Variants in HMG20A observed in about 807,000 individuals in gnomAD.
HMG20A encodes the protein high mobility group 20A, also known as high mobility group protein 20A.
HMG20A carries 17 observed loss-of-function variants against 43.9 expected under a neutral mutation model. The observed-to-expected ratio is 0.39, with a 90% CI of 0.27 to 0.58. The LOEUF (loss-of-function observed/expected upper bound fraction) is 0.58, where lower values mean the gene tolerates loss of function less well. Among genes scored for constraint, HMG20A ranks in the 20% least tolerant of loss-of-function variants. The pLI, the probability that HMG20A is intolerant of heterozygous loss-of-function variation, is 0.59. For synonymous variants in HMG20A, 132 were observed against 147.5 expected, an observed-to-expected ratio of 0.89 and a Z score of 0.76; for missense variants, 341 against 438.2, an observed-to-expected ratio of 0.78 and a Z score of 1.98.
chr15:77,506,635 G>A, the HMG20A span, among the ~76,000 whole-genome samples: 19 of 152,316 alleles, frequency 1.2e-4, no homozygotes, highest in East Asian at 1.9e-4. Flanking sequence ...AGCCAGGGCC[G>A]CCAAAAGACA....
chr15:77,476,048 G>A (rs1476560296), intron 6 of HMG20A, among the ~76,000 whole-genome samples: 3 of 152,156 alleles, frequency 2.0e-5, no homozygotes, highest in Admixed American at 2.0e-4. Context: ...CCATTGGCAG[G>A]TGGTTCACAC....
At chr15:77,508,722 C>T in the HMG20A span, among the ~76,000 whole-genome samples, 1 of 152,238 alleles carries the variant, frequency 6.6e-6, no homozygotes, top group Admixed American at 6.5e-5. Context: ...CAAAGCAGGG[C>T]ACGCCCCAAA....
chr15:77,437,399 G>A (rs1277060820), intron 1 of HMG20A, among the ~76,000 whole-genome samples: 1 of 152,122 alleles, frequency 6.6e-6, no homozygotes, highest in Non-Finnish European at 1.5e-5. Flanking sequence ...GTACTTCATA[G>A]GTGTGTGCTG....
chr15:77,439,061 G>T (rs1383818669), intron 1 of HMG20A, among the ~76,000 whole-genome samples: 1 of 152,176 alleles, frequency 6.6e-6, no homozygotes, highest in Non-Finnish European at 1.5e-5. Flanking sequence ...CCAAAGTGCT[G>T]GGATTACAGG....
intron 1 of HMG20A, 31 bp from the exon 2 acceptor site, chr15:77,458,373 T>C: frequency 7.0e-7 from 1 of 1,424,060 alleles, no homozygotes; most frequent in Non-Finnish European, 9.9e-7. Context: ...AATTAAGCCA[T>C]TAATTTTTTT....
At chr15:77,423,427 A>C (rs1173394751) in intron 1 of HMG20A, among the ~76,000 whole-genome samples, 1 of 152,154 alleles carries the variant, frequency 6.6e-6, no homozygotes, top group African/African-American at 2.4e-5. Flanking sequence ...TGTTTAATAG[A>C]AATATAGTAT....
intron 7 of HMG20A, 40 bp from the exon 8 acceptor site, chr15:77,478,255 T>G (rs761861906): frequency 4.2e-5 from 68 of 1,602,924 alleles, no homozygotes; most frequent in Non-Finnish European, 5.1e-5. Flanking sequence ...CAGAGACTCC[T>G]TCTAGTGCTG....
At chr15:77,511,562 T>C in the HMG20A span, among the ~76,000 whole-genome samples, 1 of 152,096 alleles carries the variant, frequency 6.6e-6, no homozygotes, top group Non-Finnish European at 1.5e-5. Flanking sequence ...TATAAAGAAC[T>C]CCTGTGTCCA....
intron 3 of HMG20A, 83 bp downstream of exon 3, chr15:77,464,470 T>G (rs547338095): frequency 7.1e-7 from 1 of 1,414,722 alleles, no homozygotes; most frequent in Admixed American, 1.9e-5. Flanking sequence ...GATCAAGGTG[T>G]TCATATGACC....
At chr15:77,492,426 C>T in the HMG20A span, among the ~76,000 whole-genome samples, 1 of 152,058 alleles carries the variant, frequency 6.6e-6, no homozygotes, top group Non-Finnish European at 1.5e-5. Flanking sequence ...AATGTAATTT[C>T]CCCCCATCCA....
chr15:77,427,045 CT>C (rs1332684207), intron 1 of HMG20A, among the ~76,000 whole-genome samples: 1 of 152,134 alleles, frequency 6.6e-6, no homozygotes, highest in African/African-American at 2.4e-5. Flanking sequence ...GGTATATGGT[CT>C]TTTTGGTTTC....
intron 1 of HMG20A, among the ~76,000 whole-genome samples, chr15:77,447,098 G>A (rs1004885758): frequency 3.3e-5 from 5 of 152,158 alleles, no homozygotes; most frequent in Non-Finnish European, 2.9e-5. Flanking sequence ...AATAATTCCA[G>A]GTTTTATTGG....
chr15:77,488,562 T>C (rs941857094), downstream of HMG20A, among the ~76,000 whole-genome samples: 1 of 152,248 alleles, frequency 6.6e-6, no homozygotes, highest in African/African-American at 2.4e-5. Context: ...GGGGGATCAG[T>C]ATCTTAACTA....
chr15:77,497,551 GC>G, the HMG20A span, among the ~76,000 whole-genome samples: 2 of 152,246 alleles, frequency 1.3e-5, no homozygotes, highest in Admixed American at 6.5e-5. Context: ...CTTAGACAGA[GC>G]TGCCACCCCC....
At chr15:77,478,744 A>G (rs556219774) in intron 8 of HMG20A, among the ~76,000 whole-genome samples, 1 of 152,250 alleles carries the variant, frequency 6.6e-6, no homozygotes, top group South Asian at 2.1e-4. Flanking sequence ...TTTAATATCT[A>G]TTTTCCCCTC....
chr15:77,460,483 A>G (rs768045673), intron 2 of HMG20A, among the ~76,000 whole-genome samples: 1 of 152,204 alleles, frequency 6.6e-6, no homozygotes, highest in Non-Finnish European at 1.5e-5. Context: ...GATGCTTATT[A>G]GATATCTAAG....
chr15:77,435,147 AG>A (rs1326859299), intron 1 of HMG20A, among the ~76,000 whole-genome samples: 1 of 152,162 alleles, frequency 6.6e-6, no homozygotes, highest in African/African-American at 2.4e-5. Context: ...TTACTTTTAC[AG>A]GGATAGTGAA....
chr15:77,501,674 T>A, the HMG20A span, among the ~76,000 whole-genome samples: 1 of 152,232 alleles, frequency 6.6e-6, no homozygotes, highest in Non-Finnish European at 1.5e-5. Flanking sequence ...ACTTAGATCA[T>A]CCTTAGGTAC....
downstream of HMG20A, among the ~76,000 whole-genome samples, chr15:77,486,080 G>T (rs563937187): frequency 1.0e-3 from 158 of 152,054 alleles, no homozygotes; most frequent in Non-Finnish European, 2.0e-3. Flanking sequence ...TATCTTTACC[G>T]GTTTGAGAAG....
Sources: allele counts gnomAD v4.1 joint callset (sites outside exome capture counted in the v4.1 genomes callset), GRCh38; gene constraint gnomAD v4.1.1; transcripts MANE v1.5; gene names NCBI Gene and HGNC (gene_info 2026-07-23, HGNC 2026-07-21).